The following CCDC146 variants were observed in gnomAD, a reference collection of about 807,000 sequenced individuals.
CCDC146 encodes the protein coiled-coil domain-containing protein 146.
In CCDC146, 92 loss-of-function variants were observed where a neutral mutation model predicts 119.3. The observed-to-expected ratio is 0.77, with a 90% CI of 0.65 to 0.92. CCDC146 has a LOEUF of 0.92. CCDC146 is among the 40% of genes least tolerant of loss of function. CCDC146 has a pLI of 0.00. For missense variants in CCDC146, 1,000 were observed against 1,103.0 expected, an observed-to-expected ratio of 0.91 and a Z score of 1.32; for synonymous variants, 372 against 371.8, an observed-to-expected ratio of 1.00 and a Z score of -0.01.
intron 4 of CCDC146, among the ~76,000 whole-genome samples, chr7:77,244,563 A>G (rs926153662): frequency 2.0e-5 from 3 of 152,194 alleles, no homozygotes; most frequent in Non-Finnish European, 4.4e-5. Flanking sequence ...ACAATTGCCT[A>G]CAGTACTCAG....
intron 2 of CCDC146, among the ~76,000 whole-genome samples, chr7:77,180,137 ATGTACCATATATATGCACCCATATG>A (rs1433812112): frequency 4.8e-4 from 73 of 150,876 alleles, no homozygotes; most frequent in African/African-American, 1.8e-3. Flanking sequence ...ACCCATATGT[ATGTACCATATATATGCACCCATATG>A]TATGTACCAT....
intron 1 of CCDC146, among the ~76,000 whole-genome samples, chr7:77,148,216 G>A (rs113892784): frequency 0.011 from 1,671 of 152,296 alleles, 23 homozygotes; most frequent in African/African-American, 0.038. Context: ...AGCCATGCGT[G>A]GGATATAATC....
At chr7:77,274,420 T>G in intron 10 of CCDC146, 62 bp from the exon 11 acceptor site, 3 of 1,126,876 alleles carry the variant, frequency 2.7e-6, no homozygotes, top group Non-Finnish European at 3.7e-6. Flanking sequence ...TCTAAGATAC[T>G]AGCTTTACTG....
chr7:77,149,122 A>C (rs933158912), intron 1 of CCDC146, among the ~76,000 whole-genome samples: 1 of 152,214 alleles, frequency 6.6e-6, no homozygotes, highest in African/African-American at 2.4e-5. Flanking sequence ...ACTGGCACCA[A>C]AACAGATATA....
chr7:77,290,062 A>AT (rs11373325), intron 17 of CCDC146, among the ~76,000 whole-genome samples: 36,256 of 151,700 alleles, frequency 0.24, 5,131 homozygotes, highest in African/African-American at 0.39. Flanking sequence ...CTATGCAGCC[A>AT]AAAAAAGGAT....
At chr7:77,190,689 C>A (rs1791747066) in intron 2 of CCDC146, among the ~76,000 whole-genome samples, 1 of 152,172 alleles carries the variant, frequency 6.6e-6, no homozygotes, top group African/African-American at 2.4e-5. Context: ...CCACCTCTTT[C>A]CAGTCAATCA....
intron 1 of CCDC146, among the ~76,000 whole-genome samples, chr7:77,128,422 G>A (rs1008925966): frequency 8.6e-5 from 13 of 151,760 alleles, no homozygotes; most frequent in African/African-American, 2.9e-4. Flanking sequence ...TCATACAAAA[G>A]AATAAAGTAT....
intron 9 of CCDC146, among the ~76,000 whole-genome samples, chr7:77,269,749 T>A (rs1382165686): frequency 6.6e-6 from 1 of 152,220 alleles, no homozygotes; most frequent in Non-Finnish European, 1.5e-5. Context: ...TAAAGTGTAT[T>A]AGAATCCTTT....
At chr7:77,267,346 G>A (rs527636317) in intron 9 of CCDC146, among the ~76,000 whole-genome samples, 23 of 152,250 alleles carry the variant, frequency 1.5e-4, no homozygotes, top group African/African-American at 4.8e-4. Flanking sequence ...TAGAAGCTCT[G>A]TAGTTGATTG....
At chr7:77,267,512 T>C (rs1793429936) in intron 9 of CCDC146, among the ~76,000 whole-genome samples, 1 of 118,482 alleles carries the variant, frequency 8.4e-6, no homozygotes, top group South Asian at 3.3e-4. Flanking sequence ...GAGTTTTCAG[T>C]TGTAGACTTG....
Position 77,196,244 on chromosome 7 carries a change from A to C in CCDC146, c.156+28420A>C. The stretch of plus-strand genomic sequence containing the variant: ...TGCTGAAGGAATTAATTGCCCTATT[A>C]GATAACGAATACCTGGAGGAATGAA... On this transcript the variant is annotated intron_variant, in intron 2 of 18. Transcript: ENST00000285871. The surrounding 1 kb of genome is among the most constrained non-coding windows in gnomAD (Gnocchi z 4.2). 1 of 1,474,470 alleles carries C rather than the reference A, an allele frequency of 6.8e-7. No individual in the cohort carries two copies. Among genetic ancestry groups the C allele is most frequent in the Non-Finnish European group, 9.3e-7 (1 of 1,070,404 alleles). The allele number at this position is 1,474,470 out of a possible 1,614,324, so 91.3% of individuals were successfully genotyped here.
In CCDC146 at chr7:77,294,978, A is replaced by G. The variant is rs912029462; in HGVS notation, c.*112A>G. 1.2e-6 allele frequency: 1 copy of G among 828,304 alleles called. No individual in the cohort carries two copies. Among genetic ancestry groups the G allele is most frequent in the Non-Finnish European group, 1.9e-6 (1 of 538,608 alleles). The allele number at this position is 828,304 out of a possible 1,614,324, so 51.3% of individuals were successfully genotyped here. ...TCTAATATTATTGATAAGTAAGGTA[A>G]CCACAATTAGTCAGCAACAGAGTAC... On this transcript the variant is annotated 3_prime_UTR_variant, in exon 19 of 19. Coordinates refer to ENST00000285871, the MANE Select transcript of CCDC146 (RefSeq NM_020879.3).
rs1394444714 is a variant in CCDC146 at position 77,146,460 on chromosome 7, G to A, written c.-11-21198G>A. Among the ~76,000 whole-genome samples the A allele has an allele frequency of 6.6e-5, 10 of 152,172 alleles. No individual in the cohort carries two copies. The East Asian group carries it at 1.7e-3, about 26-fold the overall frequency. ...AGTTTGATCCTGTCATTATGATGTT[G>A]GCTGGTTACTTTGCTCGTTAGTTGA... On this transcript the variant is annotated intron_variant, in intron 1 of 18. Transcript: ENST00000285871.
At chr7:77,175,074 T>G (rs1791481748) in intron 2 of CCDC146, among the ~76,000 whole-genome samples, 1 of 149,572 alleles carries the variant, frequency 6.7e-6, no homozygotes. Flanking sequence ...TATCTGTATG[T>G]GCTTATGTAA....
chr7:77,248,877 A>T (rs926192011), intron 4 of CCDC146, among the ~76,000 whole-genome samples: 1 of 152,242 alleles, frequency 6.6e-6, no homozygotes, highest in Non-Finnish European at 1.5e-5. Context: ...GAATAAGTGA[A>T]CAAAACCATA....
chr7:77,145,935 C>T (rs1170595616), intron 1 of CCDC146, among the ~76,000 whole-genome samples: 4 of 151,880 alleles, frequency 2.6e-5, no homozygotes, highest in Admixed American at 1.3e-4. Context: ...CTATTAGGTC[C>T]ACTTGGTGCA....
chr7:77,179,522 G>A (rs1362046875), intron 2 of CCDC146, among the ~76,000 whole-genome samples: 1 of 151,892 alleles, frequency 6.6e-6, no homozygotes, highest in Non-Finnish European at 1.5e-5. Context: ...GTATTTCAAG[G>A]CATGAATGGA....
intron 2 of CCDC146, among the ~76,000 whole-genome samples, chr7:77,230,339 C>T (rs749888696): frequency 2.6e-5 from 4 of 152,038 alleles, no homozygotes; most frequent in Non-Finnish European, 4.4e-5. Flanking sequence ...GTTATTGTTC[C>T]TTCTTTCCAG....
At chr7:77,147,377 A>T (rs1562815423) in intron 1 of CCDC146, among the ~76,000 whole-genome samples, 1 of 152,280 alleles carries the variant, frequency 6.6e-6, no homozygotes, top group Non-Finnish European at 1.5e-5. Flanking sequence ...AGCTCGGAGA[A>T]GTTTGATCAT....
Sources: gnomAD v4.1 joint callset for allele counts (sites outside exome capture counted in the v4.1 genomes callset) on GRCh38, gnomAD v4.1.1 for gene constraint, Gnocchi (gnomAD v3.1) non-coding constraint, MANE v1.5 for transcripts, NCBI Gene and HGNC (gene_info 2026-07-23, HGNC 2026-07-21) for gene names.